Variants in SWAP70 observed in about 807,000 individuals in gnomAD.
The protein encoded by SWAP70 is switching B cell complex subunit SWAP70, also known as switch-associated protein 70.
Under a neutral mutation model 80.2 loss-of-function variants are expected in SWAP70, and 34 were observed. The ratio of observed to expected loss-of-function variants is 0.42; its 90% confidence interval spans 0.32 to 0.56. The LOEUF is 0.56. Ranked by LOEUF, SWAP70 falls within the 20% of genes least tolerant of loss-of-function variation. The pLI, the probability that SWAP70 is intolerant of heterozygous loss-of-function variation, is 0.09. For synonymous variants in SWAP70, 239 were observed against 238.5 expected, an observed-to-expected ratio of 1.00 and a Z score of -0.02; for missense variants, 578 against 690.7, an observed-to-expected ratio of 0.84 and a Z score of 1.83.
Position 9,712,898 on chromosome 11 carries a change from T to C in SWAP70, c.241-568T>C, listed in dbSNP as rs543091572. Among the ~76,000 whole-genome samples the C allele has an allele frequency of 5.6e-5, 8 of 141,916 alleles. No individual in the cohort carries two copies. In the South Asian group the frequency reaches 1.3e-3, roughly 23 times the overall value. The allele number at this position is 141,916 out of a possible 152,430, so 93.1% of individuals were successfully genotyped here. ...TTTTACTAGAGATGGGGTTTCTCCA[T>C]GTTTGTCAGGTTGGTCTCAAACTCC... On this transcript the variant is annotated intron_variant, in intron 2 of 11. Transcript: ENST00000318950.
chr11:9,676,018 T>C (rs1269259787), intron 1 of SWAP70, among the ~76,000 whole-genome samples: 1 of 152,214 alleles, frequency 6.6e-6, no homozygotes, highest in Non-Finnish European at 1.5e-5. Context: ...GTTTTGAGCT[T>C]TTTCTTAAGC....
In SWAP70 at chr11:9,706,412, T is replaced by G. The variant is rs1850916049; in HGVS notation, c.241-7054T>G. On this transcript the variant is annotated intron_variant, in intron 2 of 11. Coordinates refer to ENST00000318950, the MANE Select transcript of SWAP70 (RefSeq NM_015055.4). ...TTTTTTTTCCCCCCATTTTGTCTTT[T>G]TGTTTATTTTATAATATGATATATA... Among the ~76,000 whole-genome samples, 2 of 152,192 alleles carry G rather than the reference T, an allele frequency of 1.3e-5. 1 individual carries two copies. The highest frequency in any genetic ancestry group is 4.1e-4 in the South Asian group (2 of 4,834).
At chr11:9,671,765 T>TTTCTATTTATA (rs1565109895) in intron 1 of SWAP70, among the ~76,000 whole-genome samples, 1 of 47,964 alleles carries the variant, frequency 2.1e-5, no homozygotes, top group Non-Finnish European at 3.7e-5. Flanking sequence ...TATAAATATA[T>TTTCTATTTATA]AATATAAATA....
intron 1 of SWAP70, among the ~76,000 whole-genome samples, chr11:9,690,463 G>A (rs185641220): frequency 1.1e-3 from 171 of 152,118 alleles, no homozygotes; most frequent in Non-Finnish European, 4.0e-4. Context: ...CTGTAATTCC[G>A]CTACTTGGGA....
chr11:9,721,946 CCTA>C (rs1207781045), intron 3 of SWAP70, among the ~76,000 whole-genome samples: 2 of 152,138 alleles, frequency 1.3e-5, no homozygotes, highest in African/African-American at 4.8e-5. Flanking sequence ...ACAAATTAAA[CCTA>C]CTGTTTCTGA....
At chr11:9,690,981 G>A (rs1370205585) in intron 1 of SWAP70, among the ~76,000 whole-genome samples, 1 of 152,048 alleles carries the variant, frequency 6.6e-6, no homozygotes, top group African/African-American at 2.4e-5. Flanking sequence ...ATGGCTCAAT[G>A]CAGCCTCGAC....
At chr11:9,717,776 G>A (rs1366655809) in intron 3 of SWAP70, among the ~76,000 whole-genome samples, 2 of 152,030 alleles carry the variant, frequency 1.3e-5, no homozygotes, top group African/African-American at 4.8e-5. Flanking sequence ...TACCCTTGAT[G>A]TTTTGTTTTT....
chr11:9,678,222 G>C (rs1850524365), intron 1 of SWAP70, among the ~76,000 whole-genome samples: 1 of 152,160 alleles, frequency 6.6e-6, no homozygotes, highest in African/African-American at 2.4e-5. Flanking sequence ...TTTAAAATGG[G>C]GTTGGGGATC....
chr11:9,673,885 GATTT>G (rs1020754851), intron 1 of SWAP70, among the ~76,000 whole-genome samples: 3 of 151,626 alleles, frequency 2.0e-5, no homozygotes, highest in Non-Finnish European at 2.9e-5. Flanking sequence ...TTTTTTCATT[GATTT>G]ATTTGTTTGT....
intron 1 of SWAP70, among the ~76,000 whole-genome samples, chr11:9,681,977 A>G (rs140057932): frequency 3.9e-4 from 60 of 152,332 alleles, no homozygotes; most frequent in African/African-American, 1.4e-3. Context: ...TTGTGTGGTA[A>G]TGGGAAATCA....
intron 3 of SWAP70, among the ~76,000 whole-genome samples, chr11:9,718,062 G>A (rs1851088315): frequency 6.6e-6 from 1 of 152,236 alleles, no homozygotes; most frequent in African/African-American, 2.4e-5. Context: ...GTAGGCCAGA[G>A]CCCAGCCAAG....
intron 6 of SWAP70, 117 bp downstream of exon 6, chr11:9,729,568 G>C: frequency 1.4e-6 from 1 of 732,688 alleles, no homozygotes. Flanking sequence ...GTGCTATCTT[G>C]GCTTACTGCA....
chr11:9,669,540 A>G (rs1362290373), intron 1 of SWAP70, among the ~76,000 whole-genome samples: 1 of 152,164 alleles, frequency 6.6e-6, no homozygotes, highest in African/African-American at 2.4e-5. Flanking sequence ...TAATTTATTT[A>G]TTTAATGGAT....
In SWAP70 at chr11:9,726,914, G is replaced by A. The variant is rs994219162; in HGVS notation, c.643-1139G>A. On this transcript the variant is annotated intron_variant, in intron 4 of 11. Transcript: ENST00000318950. ...TGCAGTATTTTCCTGTTGGTCTGGGGCAGAGTTCCTCCTTCAGAATATTGA... is the reference window on the plus strand; with the variant it reads ...TGCAGTATTTTCCTGTTGGTCTGGGACAGAGTTCCTCCTTCAGAATATTGA... 1.1e-5 allele frequency: 5 copies of A among 456,224 alleles called. No homozygotes were observed. The Admixed American group carries it at 1.2e-4, about 11-fold the overall frequency. 28.3% of individuals were successfully genotyped at this position (456,224 alleles called of 1,614,324 possible).
At chr11:9,681,435 G>A (rs143784532) in intron 1 of SWAP70, among the ~76,000 whole-genome samples, 197 of 152,328 alleles carry the variant, frequency 1.3e-3, no homozygotes, top group African/African-American at 4.4e-3. Flanking sequence ...CTTAGAATTA[G>A]TTCAGAATTG....
intron 1 of SWAP70, among the ~76,000 whole-genome samples, chr11:9,671,379 AAAATAT>A (rs1450361416): frequency 3.7e-5 from 4 of 107,796 alleles, no homozygotes; most frequent in Admixed American, 3.6e-4. Flanking sequence ...AATAAAAATA[AAAATAT>A]ATAAATATAT....
chr11:9,716,050 G>T (rs1472080104), intron 3 of SWAP70, among the ~76,000 whole-genome samples: 2 of 152,306 alleles, frequency 1.3e-5, no homozygotes, highest in South Asian at 2.1e-4. Flanking sequence ...TAAGAAAAGG[G>T]TTAAATGCTG....
intron 2 of SWAP70, chr11:9,703,256 A>G (rs1565120344): frequency 2.4e-6 from 1 of 425,494 alleles, no homozygotes; most frequent in Admixed American, 2.4e-5. Flanking sequence ...TCCTATAACA[A>G]TACTTCATTC....
intron 2 of SWAP70, among the ~76,000 whole-genome samples, chr11:9,701,261 T>C (rs1408004980): frequency 7.2e-5 from 11 of 151,852 alleles, no homozygotes; most frequent in South Asian, 2.1e-4. Context: ...AACCTCCGCC[T>C]TCTGAGTTCA....
Sources: allele counts gnomAD v4.1 joint callset (sites outside exome capture counted in the v4.1 genomes callset), GRCh38; gene constraint gnomAD v4.1.1; transcripts MANE v1.5; gene names NCBI Gene and HGNC (gene_info 2026-07-23, HGNC 2026-07-21).